LRRC72: variants seen among roughly 807,000 people sequenced by gnomAD.
The protein encoded by LRRC72 is leucine-rich repeat-containing protein 72.
In LRRC72, 41 loss-of-function variants were observed where a neutral mutation model predicts 35.8. The observed-to-expected ratio is 1.15, with a 90% CI of 0.89 to 1.49. The LOEUF (loss-of-function observed/expected upper bound fraction) is 1.49, where lower values mean the gene tolerates loss of function less well. Ranked by LOEUF, LRRC72 falls within the 40% of genes most tolerant of loss-of-function variation. The pLI is 0.00. For missense variants in LRRC72, 389 were observed against 330.7 expected (o/e 1.18, Z -1.37); for synonymous variants, 118 against 119.2 (o/e 0.99, Z 0.07).
At position 16,581,410 on chromosome 7, in the gene LRRC72, C is replaced by G. The variant is rs1333647636; in HGVS notation, c.785C>G (p.Thr262Arg). ...VMTLTSMNWD[T>R]VPTREERYLE... The stretch of plus-strand genomic sequence containing the variant: ...ACTTTGACCTCTATGAACTGGGACA[C>G]AGTTCCAACACGAGAGGAAAGGTAC... Residue 262 changes from threonine to arginine, a missense_variant, in exon 9 of 9, where the codon ACA becomes AGA. Coordinates refer to ENST00000401542, the MANE Select transcript of LRRC72 (RefSeq NM_001195280.2). The G allele has an allele frequency of 6.5e-7, 1 of 1,550,216 alleles. No homozygotes were observed. Among genetic ancestry groups the G allele is most frequent in the African/African-American group, 1.4e-5 (1 of 73,044 alleles).
intron 2 of LRRC72, 85 bp downstream of exon 2, chr7:16,532,653 C>T (rs1782188369): frequency 1.8e-6 from 2 of 1,094,672 alleles, no homozygotes; most frequent in Non-Finnish European, 2.7e-6. Context: ...ATGTTATTTT[C>T]CATTTTTCCC....
At position 16,567,329 on chromosome 7, in the gene LRRC72, A is replaced by C. The variant is rs985888071; in HGVS notation, c.518-62A>C. ...TACATTCTTGAAAGTGTTCAGTTCT[A>C]TTTTGAATCACTCCGCCTATTTATA... On this transcript the variant is annotated intron_variant, in intron 6 of 8. Transcript: ENST00000401542. 6 of 1,159,698 alleles carry C rather than the reference A, an allele frequency of 5.2e-6. No individual in the cohort carries two copies. The African/African-American group carries it at 9.5e-5, about 18-fold the overall frequency. 71.8% of individuals were successfully genotyped at this position (1,159,698 alleles called of 1,614,324 possible).
chr7:16,564,147 C>T lies in LRRC72; in HGVS notation c.428-2166C>T, dbSNP rs184217781. Reference sequence around the variant, plus strand: ...ATGTTGGTATATTTTCCATTAACGTCATATGTAAAGGCAGACTCTACTTCC... The same window carrying T: ...ATGTTGGTATATTTTCCATTAACGTTATATGTAAAGGCAGACTCTACTTCC... On this transcript the variant is annotated intron_variant, in intron 5 of 8. Transcript: ENST00000401542. Among the ~76,000 whole-genome samples, 41 of 152,262 alleles carry T rather than the reference C, an allele frequency of 2.7e-4. No individual in the cohort carries two copies. In the East Asian group the frequency reaches 7.3e-3, roughly 27 times the overall value.
chr7:16,555,565 G>T (rs545930047), intron 3 of LRRC72, among the ~76,000 whole-genome samples: 122 of 152,298 alleles, frequency 8.0e-4, no homozygotes, highest in African/African-American at 2.9e-3. Context: ...CTGAGGTCAG[G>T]AGTTCAAGAC....
At chr7:16,560,527 T>A (rs1782727749) in intron 5 of LRRC72, among the ~76,000 whole-genome samples, 1 of 152,168 alleles carries the variant, frequency 6.6e-6, no homozygotes, top group African/African-American at 2.4e-5. Context: ...GTGAAAGAAT[T>A]GGCCTGCATA....
intron 7 of LRRC72, among the ~76,000 whole-genome samples, chr7:16,570,545 G>C (rs376737612): frequency 6.6e-6 from 1 of 152,164 alleles, no homozygotes; most frequent in Non-Finnish European, 1.5e-5. Context: ...CTCGCCAGGC[G>C]TGGTGGCTCA....
intron 7 of LRRC72, among the ~76,000 whole-genome samples, chr7:16,573,927 A>C (rs1782993158): frequency 6.6e-6 from 1 of 152,214 alleles, no homozygotes; most frequent in Admixed American, 6.5e-5. Flanking sequence ...TAATATCCGG[A>C]ATCTACAAGG....
intron 7 of LRRC72, among the ~76,000 whole-genome samples, chr7:16,573,784 A>G (rs1782989698): frequency 6.6e-6 from 1 of 152,244 alleles, no homozygotes; most frequent in South Asian, 2.1e-4. Context: ...AATGGAAACC[A>G]AAGCCAATAT....
At chr7:16,547,996 C>T (rs953723438) in intron 3 of LRRC72, among the ~76,000 whole-genome samples, 2 of 152,166 alleles carry the variant, frequency 1.3e-5, no homozygotes, top group African/African-American at 4.8e-5. Context: ...TGGGCCTGCC[C>T]GTGGCTGCCC....
At chr7:16,551,025 C>A (rs999951845) in intron 3 of LRRC72, among the ~76,000 whole-genome samples, 2 of 152,162 alleles carry the variant, frequency 1.3e-5, no homozygotes, top group Admixed American at 1.3e-4. Flanking sequence ...CCCTAATTCC[C>A]AGTCCCTCAG....
chr7:16,566,687 G>C (rs1008461901), intron 6 of LRRC72, among the ~76,000 whole-genome samples: 3 of 152,076 alleles, frequency 2.0e-5, no homozygotes, highest in Non-Finnish European at 4.4e-5. Flanking sequence ...TAACAGGTTG[G>C]ATGCCAAATC....
At chr7:16,571,802 C>A (rs557779) in intron 7 of LRRC72, among the ~76,000 whole-genome samples, 38,125 of 151,952 alleles carry the variant, frequency 0.25, 4,979 homozygotes, top group South Asian at 0.43. Flanking sequence ...TGCAGGAGGT[C>A]TTTTTTCATA....
intron 7 of LRRC72, among the ~76,000 whole-genome samples, chr7:16,578,654 C>G (rs1466580990): frequency 6.6e-6 from 1 of 152,082 alleles, no homozygotes; most frequent in African/African-American, 2.4e-5. Flanking sequence ...AACATACATA[C>G]AAAACTTTTA....
chr7:16,549,278 C>G (rs992086395), intron 3 of LRRC72, among the ~76,000 whole-genome samples: 3 of 152,112 alleles, frequency 2.0e-5, no homozygotes, highest in Non-Finnish European at 2.9e-5. Flanking sequence ...GTTAAGGTAA[C>G]AGAATTTCCA....
chr7:16,558,260 A>C (rs778708745), intron 4 of LRRC72, among the ~76,000 whole-genome samples: 28 of 152,220 alleles, frequency 1.8e-4, no homozygotes, highest in Non-Finnish European at 3.8e-4. Context: ...AAACAAAAAG[A>C]AGAAAATAAC....
At chr7:16,558,524 C>T (rs924454634) in intron 4 of LRRC72, among the ~76,000 whole-genome samples, 3 of 152,026 alleles carry the variant, frequency 2.0e-5, no homozygotes, top group Admixed American at 6.6e-5. Context: ...GCAGGAGAAT[C>T]CCTTGAACCC....
At chr7:16,528,714 G>C (rs541733769) in intron 1 of LRRC72, among the ~76,000 whole-genome samples, 1 of 152,202 alleles carries the variant, frequency 6.6e-6, no homozygotes, top group Non-Finnish European at 1.5e-5. Flanking sequence ...ATCACTGCTA[G>C]AGTCATCTTC....
Position 16,537,696 on chromosome 7 carries a change from G to A in LRRC72, c.234G>A (p.Lys78=). Residue 78 remains lysine (K), a splice_region_variant and synonymous_variant, in exon 3 of 9, where the codon AAG becomes AAA. Coordinates refer to ENST00000401542, the MANE Select transcript of LRRC72 (RefSeq NM_001195280.2). ...AATACTTATGGCTTCATCATAACAA[G>A]GTAGTGTTTTATTTTATCTTTCAAT... ...KLKYLWLHHN[K]LHGITFLTRN... is the part of the protein sequence containing the mutation. 2.1e-6 allele frequency: 3 copies of A among 1,441,590 alleles called. No individual in the cohort carries two copies. Among genetic ancestry groups the A allele is most frequent in the Non-Finnish European group, 2.8e-6 (3 of 1,064,444 alleles). The allele number at this position is 1,441,590 out of a possible 1,614,324, so 89.3% of individuals were successfully genotyped here.
At chr7:16,573,590 T>A (rs906205170) in intron 7 of LRRC72, among the ~76,000 whole-genome samples, 6 of 152,320 alleles carry the variant, frequency 3.9e-5, no homozygotes, top group African/African-American at 1.2e-4. Context: ...TTGGGAAAAC[T>A]GGCTAGCCAT....
Sources: allele counts gnomAD v4.1 joint callset (sites outside exome capture counted in the v4.1 genomes callset), GRCh38; gene constraint gnomAD v4.1.1; transcripts MANE v1.5; gene names NCBI Gene and HGNC (gene_info 2026-07-23, HGNC 2026-07-21).